Variants in HERC1 observed in about 807,000 individuals in gnomAD.
HERC1 encodes the protein HECT and RLD domain containing E3 ubiquitin protein ligase family member 1, also known as probable E3 ubiquitin-protein ligase HERC1.
HERC1 carries 160 observed loss-of-function variants against 554.3 expected under a neutral mutation model. That is an observed-to-expected ratio of 0.29 (90% CI 0.25 to 0.33). The LOEUF is 0.33. HERC1 is among the 10% of genes least tolerant of loss of function. The pLI, the probability that HERC1 is intolerant of heterozygous loss-of-function variation, is 1.00. For missense variants in HERC1, 4,919 were observed against 5,918.5 expected, an observed-to-expected ratio of 0.83 and a Z score of 5.54; for synonymous variants, 2,175 against 2,131.7, an observed-to-expected ratio of 1.02 and a Z score of -0.56.
chr15:63,727,738 G>A lies in HERC1; in HGVS notation c.3255C>T (p.Leu1085=). 1 of 1,613,946 alleles carries A rather than the reference G, an allele frequency of 6.2e-7. No individual in the cohort carries two copies. Among genetic ancestry groups the A allele is most frequent in the South Asian group, 1.1e-5 (1 of 91,088 alleles). Residue 1085 remains leucine, a synonymous_variant, in exon 17 of 78, where the codon CTC becomes CTT. Transcript: ENST00000443617. This position sits in a 1 kb window ranked among gnomAD's most constrained non-coding sequence, Gnocchi z 4.3. ...VSVARPLLSY[L]LDLLPPLDCL... ...AATCAAGAGGTGGCAACAAGTCGAG[G>A]AGGTAACTCAATAAAGGCCGAGCCA...
chr15:63,642,511 T>C (rs991333493), intron 59 of HERC1, among the ~76,000 whole-genome samples: 2 of 152,124 alleles, frequency 1.3e-5, no homozygotes, highest in African/African-American at 2.4e-5. Flanking sequence ...CTAATTTTTG[T>C]ATTTTTAGTA....
chr15:63,725,480 G>T lies in HERC1; in HGVS notation c.3380C>A (p.Pro1127Gln), dbSNP rs193124520. The change falls in exon 18 of 78, where the codon CCA becomes CAA. Residue 1127 changes from proline (P) to glutamine (Q), a missense_variant. This residue lies in a region of HERC1 where 1,121 missense variants were observed against 1,244.0 expected (regional missense o/e 0.90). Coordinates refer to ENST00000443617, the MANE Select transcript of HERC1 (RefSeq NM_003922.4). ...CCAGGACTGAGCTGGCTGAGGTAAT[G>T]GCAGACCAGCAGGATCAATTAGTTC... ...GPELIDPAGL[P>Q]LPQPAQSWVW... 83 of 1,613,868 alleles carry T rather than the reference G, an allele frequency of 5.1e-5. 1 individual carries two copies. The East Asian group carries it at 1.8e-3, about 35-fold the overall frequency.
At chr15:63,720,358 G>A (rs2073765934) in intron 19 of HERC1, among the ~76,000 whole-genome samples, 1 of 151,920 alleles carries the variant, frequency 6.6e-6, no homozygotes, top group Non-Finnish European at 1.5e-5. Flanking sequence ...GGGTGGGAGA[G>A]TTATTGTCCA....
chr15:63,620,436 G>T (rs2068024205), intron 74 of HERC1, among the ~76,000 whole-genome samples: 1 of 151,944 alleles, frequency 6.6e-6, no homozygotes, highest in Admixed American at 6.6e-5. Flanking sequence ...TTTTGGAATA[G>T]GTGTGGTGTG....
intron 1 of HERC1, among the ~76,000 whole-genome samples, chr15:63,822,469 C>T (rs1020638702): frequency 2.0e-5 from 3 of 151,794 alleles, no homozygotes; most frequent in Non-Finnish European, 2.9e-5. Context: ...GCCTGTAATC[C>T]CAGCAACTCG....
intron 25 of HERC1, among the ~76,000 whole-genome samples, chr15:63,704,860 T>C (rs2072918694): frequency 6.7e-6 from 1 of 150,102 alleles, no homozygotes; most frequent in Non-Finnish European, 1.5e-5. Flanking sequence ...TGCCTCAGCC[T>C]CCCGAATAGC....
At chr15:63,750,580 G>A (rs1321613610) in intron 8 of HERC1, among the ~76,000 whole-genome samples, 5 of 152,152 alleles carry the variant, frequency 3.3e-5, no homozygotes, top group Non-Finnish European at 7.4e-5. Flanking sequence ...ATTTGTTTTT[G>A]TCTTGCAATT....
chr15:63,741,586 C>T (rs1236245139), intron 12 of HERC1, among the ~76,000 whole-genome samples: 1 of 152,174 alleles, frequency 6.6e-6, no homozygotes, highest in Non-Finnish European at 1.5e-5. Flanking sequence ...GGATTACAGG[C>T]GTGCGCCTGG....
At chr15:63,723,726 T>C (rs886593212) in intron 18 of HERC1, among the ~76,000 whole-genome samples, 10 of 152,232 alleles carry the variant, frequency 6.6e-5, no homozygotes, top group African/African-American at 1.9e-4. Flanking sequence ...CAAAATGGAA[T>C]GATATCCTCT....
Position 63,756,695 on chromosome 15 carries a change from T to C in HERC1, c.1275A>G (p.Arg425=). The change falls in exon 5 of 78, where the codon AGA becomes AGG. Residue 425 remains arginine, a synonymous_variant. Transcript: ENST00000443617. This position sits in a 1 kb window ranked among gnomAD's most constrained non-coding sequence, Gnocchi z 5.0. ...TCCCATAGCTGCCTTTCCCGCAAGC[T>C]CTAACAGAGCCATCCGTAGAAATGA... ...TFVISTDGSV[R]ACGKGSYGRL... is the part of the protein sequence containing the mutation. The C allele has an allele frequency of 6.2e-7, 1 of 1,612,984 alleles. No individual in the cohort carries two copies. The highest frequency in any genetic ancestry group is 2.2e-5 in the East Asian group (1 of 44,876).
chr15:63,776,192 A>G (rs921283490), intron 1 of HERC1, among the ~76,000 whole-genome samples: 1 of 152,066 alleles, frequency 6.6e-6, no homozygotes, highest in African/African-American at 2.4e-5. Context: ...CCTAAATCCA[A>G]ATTCATATAC....
intron 2 of HERC1, among the ~76,000 whole-genome samples, chr15:63,770,495 A>G (rs1369392828): frequency 1.3e-5 from 2 of 152,236 alleles, no homozygotes; most frequent in Admixed American, 6.5e-5. Flanking sequence ...CAACATGTGC[A>G]GTAAACACCT....
chr15:63,626,032 G>A lies in HERC1; in HGVS notation c.13228C>T (p.Leu4410Phe). ...RLRLLYHFSD[L>F]MYSSWRLLNL... ...AGCAGTCTCCAGGATGAGTACATGAGGTCAGAGAAGTGGTAGAGCAGCCGG... is the reference window on the plus strand; with the variant it reads ...AGCAGTCTCCAGGATGAGTACATGAAGTCAGAGAAGTGGTAGAGCAGCCGG... The change falls in exon 71 of 78, where the codon CTC (leucine) becomes TTC (phenylalanine). Residue 4410 changes from leucine to phenylalanine, a missense_variant. Physicochemically the swap from Leu to Phe is conservative, Grantham distance 22 (BLOSUM62 0). Around this residue, in one of 11 missense-constraint regions of HERC1, gnomAD observed 410 missense variants for 467.0 expected, o/e 0.88. Coordinates refer to ENST00000443617, the MANE Select transcript of HERC1 (RefSeq NM_003922.4). 3 of 1,612,574 alleles carry A rather than the reference G, an allele frequency of 1.9e-6. No homozygotes were observed. The highest frequency in any genetic ancestry group is 1.3e-5 in the African/African-American group (1 of 75,028).
At chr15:63,641,402 C>T in intron 60 of HERC1, 68 bp downstream of exon 60, 1 of 1,365,952 alleles carries the variant, frequency 7.3e-7, no homozygotes, top group Non-Finnish European at 1.0e-6. Context: ...GGGATAAGTT[C>T]AAGGCTATAA....
At position 63,644,499 on chromosome 15, in the gene HERC1, G is replaced by GTTT. The variant is rs552291680; in HGVS notation, c.11184+490_11184+492dup. 5.1e-3 allele frequency among the ~76,000 whole-genome samples: 758 copies of GTTT among 147,994 alleles called. 7 individuals are homozygous for GTTT. The highest frequency in any genetic ancestry group is 0.018 in the African/African-American group (723 of 40,542). On this transcript the variant is annotated intron_variant, in intron 57 of 77. Coordinates refer to ENST00000443617, the MANE Select transcript of HERC1 (RefSeq NM_003922.4). ...TTATATAAAGCATGTAAGCTTCTTT[G>GTTT]TTTTTTTTTTCTGTTTTTGCTTTTT...
At chr15:63,777,060 A>G (rs1348053905) in intron 1 of HERC1, among the ~76,000 whole-genome samples, 3 of 152,210 alleles carry the variant, frequency 2.0e-5, no homozygotes, top group African/African-American at 7.2e-5. Context: ...AGTCCTCAGA[A>G]TGTCACTTAT....
At chr15:63,797,792 T>G (rs1198428902) in intron 1 of HERC1, among the ~76,000 whole-genome samples, 1 of 152,224 alleles carries the variant, frequency 6.6e-6, no homozygotes, top group African/African-American at 2.4e-5. Flanking sequence ...TGTATACCTA[T>G]GAGATTTCAG....
chr15:63,648,094 C>T lies in HERC1; in HGVS notation c.10853G>A (p.Gly3618Asp). 2.6e-6 allele frequency: 4 copies of T among 1,562,074 alleles called. No homozygotes were observed. The highest frequency in any genetic ancestry group is 2.4e-5 in the South Asian group (2 of 84,854). Reference sequence around the variant, plus strand: ...CTTATGTGCATCAATTAGAACAATGCCTCCTTTCTCAAGTGGTTCCTTTGT... The same window carrying T: ...CTTATGTGCATCAATTAGAACAATGTCTCCTTTCTCAAGTGGTTCCTTTGT... ...LGTKEPLEKG[G>D]IVLIDAHKDT... Residue 3618 changes from glycine to aspartate, a missense_variant, in exon 55 of 78, where the codon GGC becomes GAC. Physicochemically the swap from Gly to Asp is moderately conservative, Grantham distance 94 (BLOSUM62 -1). Around this residue, in one of 11 missense-constraint regions of HERC1, gnomAD observed 1,963 missense variants for 2,228.6 expected, o/e 0.88. Coordinates refer to ENST00000443617, the MANE Select transcript of HERC1 (RefSeq NM_003922.4).
chr15:63,828,547 C>G (rs976860286), intron 1 of HERC1, among the ~76,000 whole-genome samples: 11 of 152,066 alleles, frequency 7.2e-5, no homozygotes, highest in Non-Finnish European at 1.6e-4. Context: ...CCATGTTGGC[C>G]AGGCTGGTCT....
Sources: gnomAD v4.1 joint callset for allele counts (sites outside exome capture counted in the v4.1 genomes callset) on GRCh38, gnomAD v4.1.1 for gene constraint, gnomAD v4.1.1 regional missense constraint, Gnocchi (gnomAD v3.1) non-coding constraint, MANE v1.5 for transcripts, NCBI Gene and HGNC (gene_info 2026-07-23, HGNC 2026-07-21) for gene names.